The following SYN3 variants were observed in gnomAD, a reference collection of about 807,000 sequenced individuals.
The protein encoded by SYN3 is synapsin III.
A neutral mutation model predicts 65.8 loss-of-function variants in SYN3; 35 were observed. The observed-to-expected ratio is 0.53, with a 90% CI of 0.41 to 0.70. The LOEUF (loss-of-function observed/expected upper bound fraction) is 0.70. SYN3 is among the 30% of genes least tolerant of loss of function. SYN3 has a pLI of 0.00. For missense variants in SYN3, 680 were observed against 749.0 expected (o/e 0.91, Z 1.08); for synonymous variants, 270 against 292.9 (o/e 0.92, Z 0.80).
intron 6 of SYN3, among the ~76,000 whole-genome samples, chr22:32,779,943 C>G (rs2045993910): frequency 6.6e-6 from 1 of 151,892 alleles, no homozygotes; most frequent in South Asian, 2.1e-4. Context: ...TGAGGCGGTG[C>G]AAACCTCTGC....
chr22:32,986,488 C>T (rs980630214), intron 2 of SYN3, among the ~76,000 whole-genome samples: 5 of 152,196 alleles, frequency 3.3e-5, no homozygotes, highest in African/African-American at 9.7e-5. Context: ...TCCATCCCCC[C>T]GCCTGGCTGC....
intron 8 of SYN3, among the ~76,000 whole-genome samples, chr22:32,538,751 C>T (rs1480500921): frequency 6.6e-6 from 1 of 152,084 alleles, no homozygotes; most frequent in Non-Finnish European, 1.5e-5. Context: ...TGACATACGA[C>T]TTCCTGACAG....
intron 3 of SYN3, 126 bp from the exon 4 acceptor site, chr22:32,931,607 G>A: frequency 3.1e-6 from 2 of 642,772 alleles, no homozygotes; most frequent in Non-Finnish European, 5.5e-6. Flanking sequence ...TTAGGAAGTT[G>A]CCGATATTAT....
At chr22:32,944,030 G>C (rs2051027803) in intron 3 of SYN3, among the ~76,000 whole-genome samples, 1 of 152,136 alleles carries the variant, frequency 6.6e-6, no homozygotes, top group South Asian at 2.1e-4. Flanking sequence ...GTCAACATCA[G>C]ACAGATCAAC....
chr22:32,604,068 G>C (rs1163359348), intron 6 of SYN3, among the ~76,000 whole-genome samples: 1 of 152,218 alleles, frequency 6.6e-6, no homozygotes, highest in Non-Finnish European at 1.5e-5. Context: ...AGTCACAGCC[G>C]CATCCTCAAT....
intron 2 of SYN3, among the ~76,000 whole-genome samples, chr22:32,984,208 AAAAGAGTCCC>A (rs58247167): frequency 0.62 from 91,527 of 146,908 alleles, 28,776 homozygotes; most frequent in East Asian, 0.77. Flanking sequence ...AAAAAAGAAA[AAAAGAGTCCC>A]AAAGAGTCTG....
At chr22:32,810,204 T>C (rs767486318) in intron 6 of SYN3, among the ~76,000 whole-genome samples, 17 of 152,124 alleles carry the variant, frequency 1.1e-4, no homozygotes, top group Non-Finnish European at 2.2e-4. Context: ...GTTAAAAAAT[T>C]AGTGTTTGTA....
intron 6 of SYN3, among the ~76,000 whole-genome samples, chr22:32,651,530 C>G (rs1265921610): frequency 6.6e-6 from 1 of 151,990 alleles, no homozygotes; most frequent in Non-Finnish European, 1.5e-5. Context: ...CCAGGGCCAG[C>G]TCAGTGAGAA....
At chr22:32,965,918 T>G (rs1223104692) in intron 3 of SYN3, among the ~76,000 whole-genome samples, 2 of 152,108 alleles carry the variant, frequency 1.3e-5, no homozygotes, top group Non-Finnish European at 2.9e-5. Flanking sequence ...GTGGTCTCGA[T>G]CTCCTGACCT....
chr22:32,723,193 C>G (rs1406559220), intron 6 of SYN3, among the ~76,000 whole-genome samples: 3 of 152,222 alleles, frequency 2.0e-5, no homozygotes, highest in Non-Finnish European at 4.4e-5. Flanking sequence ...AGCAAGGGCT[C>G]TGGAGCCAGA....
chr22:32,572,417 TTCCTTC>T (rs1278694110), intron 7 of SYN3, among the ~76,000 whole-genome samples: 432 of 4,256 alleles, frequency 0.1, 28 homozygotes, highest in Middle Eastern at 0.5. Context: ...CTGTCTTTCC[TTCCTTC>T]TTCCTTCCTT....
chr22:32,518,835 G>C (rs1404524129), intron 12 of SYN3, among the ~76,000 whole-genome samples: 1 of 152,160 alleles, frequency 6.6e-6, no homozygotes, highest in Non-Finnish European at 1.5e-5. Flanking sequence ...CAATTCATAT[G>C]TTGAAACCTT....
At chr22:32,879,884 T>C (rs2146408457) in intron 4 of SYN3, among the ~76,000 whole-genome samples, 1 of 152,334 alleles carries the variant, frequency 6.6e-6, no homozygotes, top group South Asian at 2.1e-4. Flanking sequence ...GTTAAAATAA[T>C]GAGGAGTGGT....
At chr22:32,773,880 G>A (rs1166089037) in intron 6 of SYN3, among the ~76,000 whole-genome samples, 1 of 152,186 alleles carries the variant, frequency 6.6e-6, no homozygotes, top group African/African-American at 2.4e-5. Flanking sequence ...GCTGCAGGGA[G>A]AACTGATATC....
intron 5 of SYN3, among the ~76,000 whole-genome samples, chr22:32,865,751 T>C (rs1202043758): frequency 6.6e-6 from 1 of 152,152 alleles, no homozygotes; most frequent in African/African-American, 2.4e-5. Context: ...CTATGCTTTA[T>C]TATTGGAGCA....
chr22:32,643,560 G>GGGGGGGGA, intron 6 of SYN3, among the ~76,000 whole-genome samples: 1 of 126,526 alleles, frequency 7.9e-6, no homozygotes, highest in African/African-American at 3.1e-5. Flanking sequence ...GGGGGGGCGG[G>GGGGGGGGA]GGGGGCAGAA....
At chr22:32,601,406 T>C (rs143792854) in intron 6 of SYN3, among the ~76,000 whole-genome samples, 7,154 of 151,694 alleles carry the variant, frequency 0.047, 590 homozygotes, top group African/African-American at 0.16. Flanking sequence ...GCCTCCGGAG[T>C]AGCTGGGACT....
chr22:33,028,779 G>A (rs1022057470), intron 1 of SYN3, among the ~76,000 whole-genome samples: 5 of 151,934 alleles, frequency 3.3e-5, no homozygotes, highest in Admixed American at 6.6e-5. Context: ...GGTGGCTCAC[G>A]CCTGTAATCC....
chr22:32,710,645 A>AAAAAAAG (rs1555931894), intron 6 of SYN3, among the ~76,000 whole-genome samples: 2 of 126,990 alleles, frequency 1.6e-5, no homozygotes, highest in African/African-American at 3.5e-5. Context: ...AAAAAAAAAA[A>AAAAAAAG]AAAGAAAGAA....
Sources: allele counts gnomAD v4.1 joint callset (sites outside exome capture counted in the v4.1 genomes callset), GRCh38; gene constraint gnomAD v4.1.1; transcripts MANE v1.5; gene names NCBI Gene and HGNC (gene_info 2026-07-23, HGNC 2026-07-21).